Variants in SORCS3 observed in about 807,000 individuals in gnomAD.
SORCS3 encodes sortilin related VPS10 domain containing receptor 3.
Under a neutral mutation model 146.3 loss-of-function variants are expected in SORCS3, and 57 were observed. The observed-to-expected ratio is 0.39, with a 90% CI of 0.31 to 0.49. The LOEUF (loss-of-function observed/expected upper bound fraction) is 0.49, where lower values mean the gene tolerates loss of function less well. Among genes scored for constraint, SORCS3 ranks in the 20% least tolerant of loss-of-function variants. The pLI, the probability that SORCS3 is intolerant of heterozygous loss-of-function variation, is 0.92. For synonymous variants in SORCS3, 653 were observed against 618.5 expected, an observed-to-expected ratio of 1.06 and a Z score of -0.83; for missense variants, 1,341 against 1,575.5, an observed-to-expected ratio of 0.85 and a Z score of 2.52.
intron 1 of SORCS3, among the ~76,000 whole-genome samples, chr10:104,717,102 G>A (rs544899060): frequency 3.9e-5 from 6 of 152,116 alleles, no homozygotes; most frequent in South Asian, 2.1e-4. Context: ...CAGCCCAGGC[G>A]GCATAGCAAG....
intron 17 of SORCS3, among the ~76,000 whole-genome samples, chr10:105,212,986 A>G (rs1332455312): frequency 1.3e-5 from 2 of 152,218 alleles, no homozygotes; most frequent in Non-Finnish European, 2.9e-5. Flanking sequence ...AGGTGATATT[A>G]ATTTTAATAA....
chr10:105,027,811 T>C (rs143399056), intron 4 of SORCS3, among the ~76,000 whole-genome samples: 1 of 152,192 alleles, frequency 6.6e-6, no homozygotes, highest in Non-Finnish European at 1.5e-5. Context: ...GGCTTCCTAG[T>C]GCTCCTGAGC....
intron 5 of SORCS3, among the ~76,000 whole-genome samples, chr10:105,060,095 G>T (rs541693301): frequency 6.6e-6 from 1 of 152,154 alleles, no homozygotes; most frequent in African/African-American, 2.4e-5. Context: ...CTGTGATAGA[G>T]GTGTCAGAGG....
At chr10:105,240,241 G>A (rs903957809) in intron 20 of SORCS3, among the ~76,000 whole-genome samples, 4 of 152,152 alleles carry the variant, frequency 2.6e-5, no homozygotes, top group African/African-American at 9.7e-5. Flanking sequence ...AGACAGCACC[G>A]ACCAGCTGAA....
chr10:104,807,655 T>G (rs1197408706), intron 1 of SORCS3, among the ~76,000 whole-genome samples: 1 of 152,164 alleles, frequency 6.6e-6, no homozygotes, highest in Non-Finnish European at 1.5e-5. Context: ...TTTCTCTTTA[T>G]TTTTTTGAAA....
intron 5 of SORCS3, among the ~76,000 whole-genome samples, chr10:105,072,235 C>T (rs1589618774): frequency 6.6e-6 from 1 of 152,162 alleles, no homozygotes; most frequent in Non-Finnish European, 1.5e-5. Context: ...AAGGAGTTAG[C>T]TGACTCTGGG....
chr10:105,247,826 A>T (rs1282345921), intron 22 of SORCS3, among the ~76,000 whole-genome samples: 1 of 152,210 alleles, frequency 6.6e-6, no homozygotes, highest in African/African-American at 2.4e-5. Context: ...AAGAGAGTCT[A>T]GTTCAATGTT....
chr10:104,822,646 A>G (rs1218142808), intron 1 of SORCS3, among the ~76,000 whole-genome samples: 1 of 152,138 alleles, frequency 6.6e-6, no homozygotes, highest in Non-Finnish European at 1.5e-5. Flanking sequence ...TGCTAAAGGA[A>G]TGCTAGCCTC....
At chr10:105,239,834 A>G (rs1453602302) in intron 20 of SORCS3, among the ~76,000 whole-genome samples, 2 of 152,258 alleles carry the variant, frequency 1.3e-5, no homozygotes, top group African/African-American at 4.8e-5. Context: ...GGCACCAGAT[A>G]TCAGTGGCTG....
intron 4 of SORCS3, among the ~76,000 whole-genome samples, chr10:105,022,279 T>C (rs1194446906): frequency 6.6e-6 from 1 of 150,704 alleles, no homozygotes; most frequent in Non-Finnish European, 1.5e-5. Flanking sequence ...CTGTTTACTT[T>C]CCATTCATTT....
At chr10:105,252,189 G>A (rs2056903360) in intron 22 of SORCS3, among the ~76,000 whole-genome samples, 1 of 152,154 alleles carries the variant, frequency 6.6e-6, no homozygotes, top group Admixed American at 6.5e-5. Flanking sequence ...TGAAGGGTAT[G>A]AATATTTTTA....
At chr10:105,163,878 GCACATACACA>G (rs1554882907) in intron 11 of SORCS3, among the ~76,000 whole-genome samples, 2,808 of 112,468 alleles carry the variant, frequency 0.025, 29 homozygotes, top group Middle Eastern at 0.05. Context: ...ACACAGTTAC[GCACATACACA>G]CACACACACA....
At chr10:104,880,454 G>T (rs578198311) in intron 2 of SORCS3, among the ~76,000 whole-genome samples, 5 of 152,210 alleles carry the variant, frequency 3.3e-5, no homozygotes, top group Admixed American at 1.3e-4. Context: ...TGATGCTCAG[G>T]CATGATTGAG....
chr10:104,887,873 G>A (rs2018705178), intron 2 of SORCS3, among the ~76,000 whole-genome samples: 1 of 147,096 alleles, frequency 6.8e-6, no homozygotes, highest in Non-Finnish European at 1.5e-5. Context: ...ATCTGCATGA[G>A]GTGTCTAAGT....
chr10:105,093,329 CAT>C (rs753942223), intron 6 of SORCS3, among the ~76,000 whole-genome samples: 57 of 152,120 alleles, frequency 3.7e-4, no homozygotes, highest in Admixed American at 3.1e-3. Flanking sequence ...TAAAAGAAAA[CAT>C]AGGGGAAAAT....
chr10:105,200,133 G>GT lies in SORCS3; in HGVS notation c.2127+19dup, dbSNP rs1210163304. ...CTCAATCAGGTACACACCCCAGGGA[G>GT]TTGGAGTGCTGGCTTTGAGGAGGAG... On this transcript the variant is annotated intron_variant, in intron 15 of 26. Transcript: ENST00000369701. 1 of 1,593,466 alleles carries GT rather than the reference G, an allele frequency of 6.3e-7. No homozygotes were observed.
chr10:105,083,732 A>C (rs1195540047), intron 5 of SORCS3, among the ~76,000 whole-genome samples: 1 of 152,114 alleles, frequency 6.6e-6, no homozygotes, highest in Admixed American at 6.5e-5. Context: ...CTTACCAATT[A>C]CCTTCAATAT....
chr10:104,650,170 A>G (rs1215898746), intron 1 of SORCS3, among the ~76,000 whole-genome samples: 2 of 152,136 alleles, frequency 1.3e-5, no homozygotes, highest in Non-Finnish European at 2.9e-5. Flanking sequence ...ACAATCCACT[A>G]CTTTGTGGTG....
At chr10:105,180,143 T>C (rs1042007183) in intron 14 of SORCS3, among the ~76,000 whole-genome samples, 1 of 152,188 alleles carries the variant, frequency 6.6e-6, no homozygotes, top group African/African-American at 2.4e-5. Context: ...TGCAAGGAGC[T>C]CTCAGACTTA....
Sources: allele counts gnomAD v4.1 joint callset (sites outside exome capture counted in the v4.1 genomes callset), GRCh38; gene constraint gnomAD v4.1.1; transcripts MANE v1.5; gene names NCBI Gene and HGNC (gene_info 2026-07-23, HGNC 2026-07-21).